PAM: variants seen among roughly 807,000 people sequenced by gnomAD.
PAM encodes the protein peptidylglycine alpha-amidating monooxygenase.
A neutral mutation model predicts 122.1 loss-of-function variants in PAM; 72 were observed. The ratio of observed to expected loss-of-function variants is 0.59; its 90% CI spans 0.49 to 0.72. The LOEUF (loss-of-function observed/expected upper bound fraction) is 0.72, where lower values mean the gene tolerates loss of function less well. Among genes scored for constraint, PAM ranks in the 30% least tolerant of loss-of-function variants. PAM has a pLI of 0.00. For missense variants in PAM, 1,106 were observed against 1,183.7 expected, an observed-to-expected ratio of 0.93 and a Z score of 0.96; for synonymous variants, 389 against 404.4, an observed-to-expected ratio of 0.96 and a Z score of 0.46.
rs575737000 is a variant in PAM, at chr5:102,946,413, A to C, written c.527-424A>C. Among the ~76,000 whole-genome samples the C allele has an allele frequency of 8.6e-5, 13 of 151,934 alleles. No individual in the cohort carries two copies. In the East Asian group the frequency reaches 2.5e-3, roughly 29 times the overall value. On this transcript the variant is annotated intron_variant, in intron 7 of 25. Coordinates refer to ENST00000438793, the MANE Select transcript of PAM (RefSeq NM_001177306.2). ...TCAGCAATGCCTAAAGTGTATGAAA[A>C]CCTAAATTATGAACTACACTTCTTA...
At chr5:102,802,726 C>T (rs1450494090) in intron 1 of PAM, among the ~76,000 whole-genome samples, 1 of 152,144 alleles carries the variant, frequency 6.6e-6, no homozygotes, top group Non-Finnish European at 1.5e-5. Flanking sequence ...TGAAGCCTCT[C>T]AAAGAAGGTG....
chr5:102,980,767 C>T (rs1385894888), intron 15 of PAM, among the ~76,000 whole-genome samples: 2 of 152,050 alleles, frequency 1.3e-5, no homozygotes, highest in East Asian at 3.9e-4. Context: ...TTTAACTATC[C>T]TAGAATTTCT....
At chr5:102,798,789 G>GA (rs1763984731) in intron 1 of PAM, among the ~76,000 whole-genome samples, 2 of 152,112 alleles carry the variant, frequency 1.3e-5, no homozygotes, top group Admixed American at 1.3e-4. Context: ...AAAAAGATAG[G>GA]AAGGAAAGCA....
At chr5:102,877,334 C>T (rs1379371363) in intron 3 of PAM, among the ~76,000 whole-genome samples, 1 of 152,134 alleles carries the variant, frequency 6.6e-6, no homozygotes, top group Non-Finnish European at 1.5e-5. Context: ...CATTAGAATA[C>T]TTGAAATAAA....
In PAM at chr5:102,864,184, A is replaced by ATATAT. The variant is rs1472850333; in HGVS notation, c.-373-1638_-373-1637insATATT. Among the ~76,000 whole-genome samples, 670 of 133,646 alleles carry ATATAT rather than the reference A, an allele frequency of 5.0e-3. 3 individuals are homozygous for ATATAT. Among genetic ancestry groups the ATATAT allele is most frequent in the African/African-American group, 0.018 (625 of 35,086 alleles). The allele number at this position is 133,646 out of a possible 152,430, so 87.7% of individuals were successfully genotyped here. A position where few individuals can be genotyped will look rare whatever the true frequency, so the allele number is the denominator to read the frequency against. ...TCTTCATATATATATATATATATAT[A>ATATAT]TTTTTTTTTTTTTTAAAGAACTTCA... On this transcript the variant is annotated intron_variant, in intron 1 of 25. Coordinates refer to ENST00000438793, the MANE Select transcript of PAM (RefSeq NM_001177306.2).
In PAM at chr5:102,940,266, C is replaced by G. The variant is rs79425576; in HGVS notation, c.527-6571C>G. Among the ~76,000 whole-genome samples, 277 of 151,512 alleles carry G rather than the reference C, an allele frequency of 1.8e-3. 10 individuals carry two copies. In the East Asian group the frequency reaches 0.046, roughly 25 times the overall value. ...ATATTTTAAATTGTGTTTAAAAGGACTTTTTAAAATCAAAGCTCTTCAATC... is the reference window on the plus strand; with the variant it reads ...ATATTTTAAATTGTGTTTAAAAGGAGTTTTTAAAATCAAAGCTCTTCAATC... On this transcript the variant is annotated intron_variant, in intron 7 of 25. Coordinates refer to ENST00000438793, the MANE Select transcript of PAM (RefSeq NM_001177306.2).
At chr5:102,918,916 A>T (rs1746400746) in intron 5 of PAM, among the ~76,000 whole-genome samples, 1 of 152,128 alleles carries the variant, frequency 6.6e-6, no homozygotes, top group South Asian at 2.1e-4. Flanking sequence ...TCTTCTATAC[A>T]TAGCTAAAAT....
Position 102,866,152 on chromosome 5 carries a change from T to C in PAM, c.-44T>C. The C allele has an allele frequency of 7.1e-7, 1 of 1,409,194 alleles. No homozygotes were observed. Among genetic ancestry groups the C allele is most frequent in the Non-Finnish European group, 1.0e-6 (1 of 1,000,178 alleles). 87.3% of individuals were successfully genotyped at this position (1,409,194 alleles called of 1,614,324 possible). A position where few individuals can be genotyped will look rare whatever the true frequency, so the allele number is the denominator to read the frequency against. Reference sequence around the variant, plus strand: ...CCAACCGCCAGCCCCAGCCCCGCGCTGCGCTGCCCGGTCCTCTCCCGGCGG... The same window carrying C: ...CCAACCGCCAGCCCCAGCCCCGCGCCGCGCTGCCCGGTCCTCTCCCGGCGG... On this transcript the variant is annotated 5_prime_UTR_variant, in exon 2 of 26. Coordinates refer to ENST00000438793, the MANE Select transcript of PAM (RefSeq NM_001177306.2).
intron 1 of PAM, among the ~76,000 whole-genome samples, chr5:102,777,281 T>C (rs760515010): frequency 2.0e-5 from 3 of 152,114 alleles, no homozygotes; most frequent in Non-Finnish European, 4.4e-5. Flanking sequence ...CTGCCTTGAC[T>C]ATGCTGTTTA....
chr5:102,810,776 C>T (rs1383911606), intron 1 of PAM, among the ~76,000 whole-genome samples: 1 of 151,888 alleles, frequency 6.6e-6, no homozygotes, highest in Non-Finnish European at 1.5e-5. Context: ...TGTGGTGAGC[C>T]GAGATCGCGC....
At chr5:102,868,837 A>C (rs1193091292) in intron 3 of PAM, among the ~76,000 whole-genome samples, 1 of 152,216 alleles carries the variant, frequency 6.6e-6, no homozygotes, top group African/African-American at 2.4e-5. Context: ...TAACAATAAT[A>C]ATGGGCAACT....
At chr5:102,827,593 C>A (rs1001352361) in intron 1 of PAM, among the ~76,000 whole-genome samples, 1 of 151,008 alleles carries the variant, frequency 6.6e-6, no homozygotes, top group South Asian at 2.1e-4. Context: ...TTTCATGAGG[C>A]GTGATTTTTT....
chr5:102,809,393 C>T (rs1457114633), intron 1 of PAM, among the ~76,000 whole-genome samples: 1 of 151,390 alleles, frequency 6.6e-6, no homozygotes, highest in East Asian at 1.9e-4. Flanking sequence ...ACAAAAAAAC[C>T]CTTAAATTTA....
In PAM at chr5:103,023,172, C is replaced by A. The variant is rs554077810; in HGVS notation, c.2486-1959C>A. ...ACTTTCTGTGAATGCTAAACTGATTCTTTTAGTCTTTCACCTGTATCATCC... is the reference window on the plus strand; with the variant it reads ...ACTTTCTGTGAATGCTAAACTGATTATTTTAGTCTTTCACCTGTATCATCC... On this transcript the variant is annotated intron_variant, in intron 23 of 25. Transcript: ENST00000438793. 2.6e-5 allele frequency among the ~76,000 whole-genome samples: 4 copies of A among 152,158 alleles called. No homozygotes were observed. In the South Asian group the frequency reaches 8.3e-4, roughly 32 times the overall value.
At position 102,874,173 on chromosome 5, in the gene PAM, A is replaced by AT. The variant is rs534579996; in HGVS notation, c.210+6782dup. ...TTTTTTGTTTATTTAGCTGTGACAC[A>AT]TTCATTCTTTTTTCCCTTTCTATTT... On this transcript the variant is annotated intron_variant, in intron 3 of 25. Transcript: ENST00000438793. 1.8e-4 allele frequency among the ~76,000 whole-genome samples: 28 copies of AT among 152,304 alleles called. No homozygotes were observed. In the South Asian group the frequency reaches 5.4e-3, roughly 29 times the overall value.
chr5:102,921,618 T>G (rs2151672912), intron 5 of PAM, among the ~76,000 whole-genome samples: 1 of 152,320 alleles, frequency 6.6e-6, no homozygotes, highest in East Asian at 1.9e-4. Context: ...AAACCAATGT[T>G]TGCTTGGAAG....
At chr5:102,767,602 A>G (rs1485062757) in intron 1 of PAM, among the ~76,000 whole-genome samples, 2 of 152,286 alleles carry the variant, frequency 1.3e-5, no homozygotes, top group East Asian at 1.9e-4. Context: ...CTTGACCTTT[A>G]TCTAGAAAAG....
At chr5:102,912,046 A>G (rs2151546739) in intron 4 of PAM, among the ~76,000 whole-genome samples, 1 of 152,158 alleles carries the variant, frequency 6.6e-6, no homozygotes, top group South Asian at 2.1e-4. Flanking sequence ...TCTGCTGGAT[A>G]CTTCCACCTG....
intron 3 of PAM, among the ~76,000 whole-genome samples, chr5:102,892,800 C>T (rs1795113051): frequency 6.6e-6 from 1 of 151,786 alleles, no homozygotes; most frequent in Non-Finnish European, 1.5e-5. Context: ...GGAACCATTT[C>T]AGGCAATGTT....
Sources: gnomAD v4.1 joint callset for allele counts (sites outside exome capture counted in the v4.1 genomes callset) on GRCh38, gnomAD v4.1.1 for gene constraint, MANE v1.5 for transcripts, NCBI Gene and HGNC (gene_info 2026-07-23, HGNC 2026-07-21) for gene names.